The following LRRTM4 variants were observed in gnomAD, a reference collection of about 807,000 sequenced individuals.
LRRTM4 encodes the protein leucine-rich repeat transmembrane neuronal protein 4.
LRRTM4 carries 25 observed loss-of-function variants against 47.6 expected under a neutral mutation model. The ratio of observed to expected loss-of-function variants is 0.53; its 90% CI spans 0.38 to 0.73. The LOEUF is 0.73. Ranked by LOEUF, LRRTM4 falls within the 30% of genes least tolerant of loss-of-function variation. LRRTM4 has a pLI of 0.00. For synonymous variants in LRRTM4, 311 were observed against 269.5 expected (o/e 1.15, Z -1.51); for missense variants, 638 against 713.4 (o/e 0.89, Z 1.20).
intron 3 of LRRTM4, among the ~76,000 whole-genome samples, chr2:77,450,058 A>G (rs1676198119): frequency 6.6e-6 from 1 of 152,210 alleles, no homozygotes; most frequent in African/African-American, 2.4e-5. Context: ...AGTTCAAGTA[A>G]CATATAACAG....
intron 3 of LRRTM4, among the ~76,000 whole-genome samples, chr2:76,807,397 TATGTATATACGTATATATATATATATAC>T (rs1670523639): frequency 8.3e-6 from 1 of 120,546 alleles, no homozygotes; most frequent in Non-Finnish European, 1.6e-5. Flanking sequence ...TATATATATA[TATGTATATACGTATATATATATATATAC>T]ATATATATAT....
intron 3 of LRRTM4, among the ~76,000 whole-genome samples, chr2:77,041,522 C>A (rs551485661): frequency 6.7e-4 from 101 of 151,460 alleles, no homozygotes; most frequent in African/African-American, 2.4e-3. Context: ...AATTTGCATT[C>A]CCACCAACAA....
At chr2:77,328,682 C>T (rs1335977067) in intron 3 of LRRTM4, among the ~76,000 whole-genome samples, 7 of 152,228 alleles carry the variant, frequency 4.6e-5, no homozygotes, top group Non-Finnish European at 7.4e-5. Flanking sequence ...CAGTGAGCTA[C>T]GATCTATGGT....
chr2:76,860,585 T>C (rs140883160), intron 3 of LRRTM4, among the ~76,000 whole-genome samples: 23 of 152,156 alleles, frequency 1.5e-4, no homozygotes, highest in East Asian at 1.9e-4. Context: ...TGTGTGTGTA[T>C]TGCTATAGGC....
intron 3 of LRRTM4, among the ~76,000 whole-genome samples, chr2:77,158,678 T>C (rs1672625526): frequency 6.6e-6 from 1 of 152,164 alleles, no homozygotes; most frequent in Non-Finnish European, 1.5e-5. Context: ...TTGTTTTACA[T>C]ACATTTGGAT....
At chr2:77,477,989 A>T (rs944468195) in intron 3 of LRRTM4, among the ~76,000 whole-genome samples, 1 of 151,982 alleles carries the variant, frequency 6.6e-6, no homozygotes, top group African/African-American at 2.4e-5. Context: ...AAGCCACATG[A>T]GGCAATTATT....
At chr2:77,004,318 G>T (rs553780092) in intron 3 of LRRTM4, among the ~76,000 whole-genome samples, 3 of 152,138 alleles carry the variant, frequency 2.0e-5, no homozygotes, top group Non-Finnish European at 4.4e-5. Flanking sequence ...TGCAGCCTAC[G>T]TACTTGGTCC....
chr2:77,454,782 G>A (rs1573437632), intron 3 of LRRTM4, among the ~76,000 whole-genome samples: 1 of 152,030 alleles, frequency 6.6e-6, no homozygotes, highest in Admixed American at 6.6e-5. Context: ...TCAGCATGTA[G>A]GTAAATATTC....
At chr2:76,883,455 T>C (rs999848286) in intron 3 of LRRTM4, among the ~76,000 whole-genome samples, 29 of 152,128 alleles carry the variant, frequency 1.9e-4, no homozygotes, top group Non-Finnish European at 3.1e-4. Context: ...TCTTTAGACC[T>C]CAGAGGAATT....
intron 3 of LRRTM4, among the ~76,000 whole-genome samples, chr2:77,074,198 A>T (rs1028775011): frequency 2.0e-5 from 3 of 152,132 alleles, no homozygotes; most frequent in Non-Finnish European, 4.4e-5. Context: ...TTGTTTTATC[A>T]TATCTGCATT....
intron 3 of LRRTM4, among the ~76,000 whole-genome samples, chr2:77,283,093 A>T (rs1385804671): frequency 6.6e-6 from 1 of 152,072 alleles, no homozygotes; most frequent in African/African-American, 2.4e-5. Context: ...ACAAAAGACT[A>T]ATACCCAGAT....
intron 3 of LRRTM4, among the ~76,000 whole-genome samples, chr2:77,249,786 A>G (rs1225224193): frequency 6.6e-6 from 1 of 152,206 alleles, no homozygotes; most frequent in Admixed American, 6.6e-5. Context: ...ACATACTTTT[A>G]CCATATGACC....
chr2:77,273,252 G>GA (rs1367883127), intron 3 of LRRTM4, among the ~76,000 whole-genome samples: 1 of 151,970 alleles, frequency 6.6e-6, no homozygotes, highest in African/African-American at 2.4e-5. Flanking sequence ...CTATTAATGG[G>GA]AAAAAATGCA....
At chr2:77,178,600 A>G (rs1265985294) in intron 3 of LRRTM4, among the ~76,000 whole-genome samples, 1 of 151,974 alleles carries the variant, frequency 6.6e-6, no homozygotes, top group Non-Finnish European at 1.5e-5. Flanking sequence ...ACAAACAACA[A>G]CAACAACAAC....
chr2:77,068,804 A>C (rs1680048365), intron 3 of LRRTM4, among the ~76,000 whole-genome samples: 1 of 152,208 alleles, frequency 6.6e-6, no homozygotes, highest in Admixed American at 6.5e-5. Context: ...TCTCTACAGC[A>C]CTGTAACATG....
At chr2:77,321,595 A>AAGT (rs1677793822) in intron 3 of LRRTM4, among the ~76,000 whole-genome samples, 2 of 144,718 alleles carry the variant, frequency 1.4e-5, no homozygotes, top group African/African-American at 5.4e-5. Context: ...AAGAAAAGAA[A>AAGT]AAAGAAATGA....
In LRRTM4 at chr2:76,756,807, G is replaced by A. The variant is rs964424181; in HGVS notation, c.1552-7891C>T. ...AGAAATAAGAAAAATTCCAGAATTC[G>A]AAAGAAGACGAGGAAGGCAAGATTT... On this transcript the variant is annotated intron_variant, in intron 3 of 3. Transcript: ENST00000409884. Among the ~76,000 whole-genome samples, 9 of 151,980 alleles carry A rather than the reference G, an allele frequency of 5.9e-5. No homozygotes were observed. The South Asian group carries it at 8.3e-4, about 14-fold the overall frequency.
intron 3 of LRRTM4, among the ~76,000 whole-genome samples, chr2:77,292,177 C>T (rs372509279): frequency 1.1e-4 from 16 of 149,984 alleles, no homozygotes; most frequent in African/African-American, 3.7e-4. Context: ...GAATGGCAAT[C>T]ATTAAAAAGT....
At chr2:77,425,366 C>T (rs957088354) in intron 3 of LRRTM4, among the ~76,000 whole-genome samples, 1 of 152,130 alleles carries the variant, frequency 6.6e-6, no homozygotes, top group African/African-American at 2.4e-5. Flanking sequence ...TTTTCTAAAT[C>T]CACTGGATAT....
Sources: allele counts gnomAD v4.1 joint callset (sites outside exome capture counted in the v4.1 genomes callset), GRCh38; gene constraint gnomAD v4.1.1; transcripts MANE v1.5; gene names NCBI Gene and HGNC (gene_info 2026-07-23, HGNC 2026-07-21).